RPTOR: variants seen among roughly 807,000 people sequenced by gnomAD.
The protein encoded by RPTOR is regulatory associated protein of MTOR complex 1.
Under a neutral mutation model 169.9 loss-of-function variants are expected in RPTOR, and 21 were observed. The observed-to-expected ratio is 0.12, with a 90% confidence interval of 0.09 to 0.18. The LOEUF is 0.18. RPTOR is among the 10% of genes least tolerant of loss of function. RPTOR has a pLI of 1.00. For missense variants in RPTOR, 1,133 were observed against 1,855.9 expected (o/e 0.61, Z 7.16); for synonymous variants, 732 against 753.2 (o/e 0.97, Z 0.46).
intron 5 of RPTOR, among the ~76,000 whole-genome samples, chr17:80,733,674 G>A (rs2066410792): frequency 1.3e-5 from 2 of 152,208 alleles, no homozygotes; most frequent in African/African-American, 4.8e-5. Flanking sequence ...AAGCCTGTTA[G>A]CAAAGAAGTC....
At chr17:80,593,520 C>T (rs765892110) in intron 1 of RPTOR, 12 of 154,686 alleles carry the variant, frequency 7.8e-5, no homozygotes, top group South Asian at 4.1e-4. Flanking sequence ...TCCAACAAAC[C>T]GCTTGTGGAG....
chr17:80,811,611 T>C (rs2067272807), intron 7 of RPTOR, among the ~76,000 whole-genome samples: 1 of 151,300 alleles, frequency 6.6e-6, no homozygotes, highest in Admixed American at 6.6e-5. Flanking sequence ...TAAACCTCAC[T>C]GTACCCACGG....
chr17:80,620,738 C>T lies in RPTOR; in HGVS notation c.163-4953C>T, dbSNP rs1228866061. Among the ~76,000 whole-genome samples the T allele has an allele frequency of 2.6e-5, 4 of 152,194 alleles. No individual in the cohort carries two copies. In the South Asian group the frequency reaches 8.3e-4, roughly 31 times the overall value. ...CCGAGATCGTGCCACTGCACGTGAT[C>T]GTGGTCAACAGAGCAAGAGTCTGTT... On this transcript the variant is annotated intron_variant, in intron 1 of 33. Coordinates refer to ENST00000306801, the MANE Select transcript of RPTOR (RefSeq NM_020761.3).
At chr17:80,811,677 A>G (rs2067274098) in intron 7 of RPTOR, among the ~76,000 whole-genome samples, 1 of 150,274 alleles carries the variant, frequency 6.7e-6, no homozygotes, top group Admixed American at 6.6e-5. Context: ...CACGGGACAC[A>G]GCCACGCCCT....
intron 1 of RPTOR, among the ~76,000 whole-genome samples, chr17:80,582,695 G>A (rs1335101132): frequency 2.0e-5 from 3 of 151,688 alleles, no homozygotes; most frequent in Middle Eastern, 3.4e-3. Flanking sequence ...ACAGGCGCCC[G>A]CCACCATGCC....
chr17:80,764,202 C>T lies in RPTOR; in HGVS notation c.830+10017C>T, dbSNP rs948840780. Among the ~76,000 whole-genome samples, 3 of 148,970 alleles carry T rather than the reference C, an allele frequency of 2.0e-5. No individual in the cohort carries two copies. The Admixed American group carries it at 2.0e-4, about 10-fold the overall frequency. ...TATTATACTTTTAAGTTTTAGGGTA[C>T]ATGTGCACAATGTGCAGGTTACATA... On this transcript the variant is annotated intron_variant, in intron 6 of 33. Coordinates refer to ENST00000306801, the MANE Select transcript of RPTOR (RefSeq NM_020761.3).
intron 1 of RPTOR, among the ~76,000 whole-genome samples, chr17:80,547,074 T>C (rs945880285): frequency 2.0e-5 from 3 of 152,050 alleles, no homozygotes; most frequent in African/African-American, 7.2e-5. Flanking sequence ...GTCTCAAAAA[T>C]AAATAAATAA....
chr17:80,688,617 C>G (rs1191136832), intron 3 of RPTOR, among the ~76,000 whole-genome samples: 4 of 152,222 alleles, frequency 2.6e-5, no homozygotes, highest in Admixed American at 2.6e-4. Context: ...TCACTGGCTT[C>G]CTGTGGGTTC....
At chr17:80,923,953 G>T in intron 23 of RPTOR, 1 of 442,706 alleles carries the variant, frequency 2.3e-6, no homozygotes, top group Non-Finnish European at 4.0e-6. Flanking sequence ...CCGGTTCTCC[G>T]CCCCTGGTTC....
At chr17:80,700,085 GT>G (rs1298113454) in intron 3 of RPTOR, among the ~76,000 whole-genome samples, 1 of 152,200 alleles carries the variant, frequency 6.6e-6, no homozygotes. Flanking sequence ...TAGGAAGAAG[GT>G]TCTGGGCAGA....
intron 7 of RPTOR, among the ~76,000 whole-genome samples, chr17:80,816,484 G>A (rs1356665196): frequency 1.3e-5 from 2 of 152,238 alleles, no homozygotes; most frequent in African/African-American, 4.8e-5. Context: ...GAGCTGTGAT[G>A]CCAGGCAAGC....
intron 1 of RPTOR, among the ~76,000 whole-genome samples, chr17:80,564,263 C>T (rs182123297): frequency 3.9e-4 from 60 of 152,020 alleles, no homozygotes; most frequent in African/African-American, 1.3e-3. Context: ...GGGGTTTTAC[C>T]GTGTTAGCAA....
intron 24 of RPTOR, among the ~76,000 whole-genome samples, chr17:80,926,538 G>T (rs2068813946): frequency 6.6e-6 from 1 of 152,234 alleles, no homozygotes; most frequent in Admixed American, 6.5e-5. Flanking sequence ...AACGAAAATT[G>T]AGATTCACTT....
At chr17:80,753,620 G>A (rs1263705715) in intron 5 of RPTOR, among the ~76,000 whole-genome samples, 4 of 89,170 alleles carry the variant, frequency 4.5e-5, no homozygotes, top group African/African-American at 1.3e-4. Flanking sequence ...GCGACAGAGC[G>A]AAACTCCGTC....
Position 80,965,019 on chromosome 17 carries a change from T to C in RPTOR, c.*689T>C. 1 of 233,450 alleles carries C rather than the reference T, an allele frequency of 4.3e-6. No homozygotes were observed. Among genetic ancestry groups the C allele is most frequent in the Non-Finnish European group, 8.5e-6 (1 of 118,150 alleles). The allele number at this position is 233,450 out of a possible 1,614,324, so 14.5% of individuals were successfully genotyped here. A position where few individuals can be genotyped will look rare whatever the true frequency, so the allele number is the denominator to read the frequency against. On this transcript the variant is annotated 3_prime_UTR_variant, in exon 34 of 34. Coordinates refer to ENST00000306801, the MANE Select transcript of RPTOR (RefSeq NM_020761.3). ...CACCCTCCCCGCACCTCCAGGTCTC[T>C]GGACTCCAGTTTTGGCCCCTCTCAC... is the stretch of plus-strand genomic sequence containing the variant.
intron 24 of RPTOR, among the ~76,000 whole-genome samples, chr17:80,935,810 AAT>A (rs1298626803): frequency 1.3e-5 from 2 of 152,222 alleles, no homozygotes; most frequent in Non-Finnish European, 2.9e-5. Flanking sequence ...TAGGTTAGGC[AAT>A]GTCTTCTTTA....
chr17:80,606,012 C>T lies in RPTOR; in HGVS notation c.163-19679C>T, dbSNP rs139065323. On this transcript the variant is annotated intron_variant, in intron 1 of 33. Coordinates refer to ENST00000306801, the MANE Select transcript of RPTOR (RefSeq NM_020761.3). Reference sequence around the variant, plus strand: ...TCTATGCGTGTCTCTTACCAATAGACTTTTGTTTTTGTTTTTTGAGATGGC... The same window carrying T: ...TCTATGCGTGTCTCTTACCAATAGATTTTTGTTTTTGTTTTTTGAGATGGC... Among the ~76,000 whole-genome samples the T allele has an allele frequency of 2.9e-3, 438 of 152,086 alleles. 1 individual carries two copies. The highest frequency in any genetic ancestry group is 0.01 in the African/African-American group (424 of 41,480).
intron 2 of RPTOR, among the ~76,000 whole-genome samples, chr17:80,642,227 C>G (rs1387371987): frequency 6.6e-6 from 1 of 151,992 alleles, no homozygotes; most frequent in Non-Finnish European, 1.5e-5. Flanking sequence ...ACCTCTGCCT[C>G]CAGGGTTCAA....
Position 80,883,490 on chromosome 17 carries a change from CCCCCCAGCCA to C in RPTOR, c.1650+16_1650+25del, listed in dbSNP as rs767765042. The C allele has an allele frequency of 6.2e-7, 1 of 1,612,794 alleles. No homozygotes were observed. The highest frequency in any genetic ancestry group is 1.7e-5 in the Admixed American group (1 of 60,012). On this transcript the variant is annotated splice_region_variant and intron_variant, in intron 15 of 33. Transcript: ENST00000306801. ...ACAGCTATCACACGGGGCAGGTGAG[CCCCCCAGCCA>C]CCCCCAGCCCCAGAGCTCACCCTTG...
Sources: gnomAD v4.1 joint callset for allele counts (sites outside exome capture counted in the v4.1 genomes callset) on GRCh38, gnomAD v4.1.1 for gene constraint, MANE v1.5 for transcripts, NCBI Gene and HGNC (gene_info 2026-07-23, HGNC 2026-07-21) for gene names.